Variants in POLA2 observed in about 807,000 individuals in gnomAD.
POLA2 encodes DNA polymerase alpha 2, accessory subunit.
A neutral mutation model predicts 82.8 loss-of-function variants in POLA2; 47 were observed. That is an observed-to-expected ratio of 0.57 (90% CI 0.45 to 0.72). POLA2 has a LOEUF of 0.72. POLA2 is among the 30% of genes least tolerant of loss of function. The pLI is 0.00. For missense variants in POLA2, 634 were observed against 728.1 expected (o/e 0.87, Z 1.49); for synonymous variants, 287 against 286.8 (o/e 1.00, Z -0.01).
Position 65,265,184 on chromosome 11 carries a change from G to A in POLA2, c.80-1398G>A, listed in dbSNP as rs113973396. On this transcript the variant is annotated intron_variant, in intron 1 of 17. Transcript: ENST00000265465. ...GTGGAGGTTGCAATGAGCCGAGATC[G>A]TGCCACTGCATTCCAGCCTGGCAAC... is the stretch of plus-strand genomic sequence containing the variant. Among the ~76,000 whole-genome samples, 1,025 of 150,546 alleles carry A rather than the reference G, an allele frequency of 6.8e-3. 12 individuals carry two copies. Among genetic ancestry groups the A allele is most frequent in the African/African-American group, 0.023 (950 of 41,124 alleles).
Position 65,267,513 on chromosome 11 carries a change from A to G in POLA2, c.241A>G (p.Thr81Ala). Residue 81 changes from threonine to alanine, a missense_variant, in exon 3 of 18, where the codon ACC becomes GCC. Physicochemically the swap from Thr to Ala is moderately conservative, Grantham distance 58. Transcript: ENST00000265465. ...AAGATTATCGAAAGCCAGGCATAGT[A>G]CCTGCAAGGACAGTGGCCATGCAGG... Reference protein sequence around the residue: ...SKRLSKARHSTCKDSGHAGAR... With the variant: ...SKRLSKARHSACKDSGHAGAR... 1.2e-6 allele frequency: 2 copies of G among 1,612,338 alleles called. No homozygotes were observed. Among genetic ancestry groups the G allele is most frequent in the African/African-American group, 1.3e-5 (1 of 74,962 alleles).
At chr11:65,295,685 C>T (rs1949802660) in intron 16 of POLA2, 86 bp downstream of exon 16, 2 of 1,335,404 alleles carry the variant, frequency 1.5e-6, no homozygotes, top group African/African-American at 1.4e-5. Context: ...AGAGCCTTCA[C>T]CAGGCTACCA....
At chr11:65,285,195 G>T (rs1949683339) in intron 10 of POLA2, among the ~76,000 whole-genome samples, 1 of 152,070 alleles carries the variant, frequency 6.6e-6, no homozygotes, top group South Asian at 2.1e-4. Flanking sequence ...CACACGGTCA[G>T]GAGATAGAGA....
At chr11:65,303,225 C>T (rs901863559), downstream of POLA2, among the ~76,000 whole-genome samples, 2 of 151,880 alleles carry the variant, frequency 1.3e-5, no homozygotes, top group Admixed American at 1.3e-4. Context: ...ACCTGTAGTC[C>T]CAGCTACTCA....
chr11:65,267,129 C>T (rs138641547), intron 2 of POLA2, among the ~76,000 whole-genome samples: 305 of 152,098 alleles, frequency 2.0e-3, no homozygotes, highest in African/African-American at 6.9e-3. Context: ...TCGCTTGAAC[C>T]GAGGAGGTGG....
At chr11:65,291,109 T>A (rs1949750740) in intron 13 of POLA2, among the ~76,000 whole-genome samples, 1 of 152,220 alleles carries the variant, frequency 6.6e-6, no homozygotes, top group Non-Finnish European at 1.5e-5. Flanking sequence ...CATCCTCCAT[T>A]CCTGTCCCTT....
At chr11:65,263,839 A>G (rs530707069) in intron 1 of POLA2, among the ~76,000 whole-genome samples, 1 of 152,092 alleles carries the variant, frequency 6.6e-6, no homozygotes, top group Non-Finnish European at 1.5e-5. Context: ...AAAAAAAAAA[A>G]AAGACTTAAG....
rs1949835170 is a variant in POLA2, at chr11:65,298,257, C to T, written c.*988C>T. ...TGACCTCTCCATCTGGAGGGGGCCGCCTCGCTGGGCTGTTCCAAAGCTGGA... is the reference window on the plus strand; with the variant it reads ...TGACCTCTCCATCTGGAGGGGGCCGTCTCGCTGGGCTGTTCCAAAGCTGGA... On this transcript the variant is annotated 3_prime_UTR_variant, in exon 18 of 18. Transcript: ENST00000265465. 6.6e-6 allele frequency: 1 copy of T among 152,344 alleles called. No individual in the cohort carries two copies. Among genetic ancestry groups the T allele is most frequent in the Non-Finnish European group, 1.5e-5 (1 of 68,146 alleles). The allele number at this position is 152,344 out of a possible 1,614,324, so 9.4% of individuals were successfully genotyped here. A position where few individuals can be genotyped will look rare whatever the true frequency, so the allele number is the denominator to read the frequency against.
intron 10 of POLA2, 56 bp from the exon 11 acceptor site, chr11:65,287,660 T>G: frequency 4.0e-6 from 6 of 1,502,480 alleles, no homozygotes; most frequent in Non-Finnish European, 5.5e-6. Context: ...TCCTTTCTCC[T>G]CCCACCATTC....
intron 1 of POLA2, among the ~76,000 whole-genome samples, chr11:65,265,620 C>T (rs1379596572): frequency 6.6e-6 from 1 of 152,112 alleles, no homozygotes; most frequent in Non-Finnish European, 1.5e-5. Flanking sequence ...GCTGTAACTA[C>T]AGGCACATGC....
downstream of POLA2, among the ~76,000 whole-genome samples, chr11:65,299,628 G>T (rs920551792): frequency 6.6e-6 from 1 of 152,192 alleles, no homozygotes; most frequent in African/African-American, 2.4e-5. Context: ...CAGGGCACCC[G>T]GCCCAGCTCA....
In POLA2 at chr11:65,262,355, G is replaced by T; in HGVS notation, c.63G>T (p.Glu21Asp). The change falls in exon 1 of 18, where the codon GAG becomes GAT. Residue 21 changes from glutamate (E) to aspartate (D), a missense_variant. Transcript: ENST00000265465. ...ELQIFGLDCE[E>D]ALIEKLVELC... ...AGATCTTCGGCCTAGACTGCGAGGAGGCTCTAATTGAGAAATGTGAGTCCC... is the reference window on the plus strand; with the variant it reads ...AGATCTTCGGCCTAGACTGCGAGGATGCTCTAATTGAGAAATGTGAGTCCC... 6.2e-7 allele frequency: 1 copy of T among 1,613,562 alleles called. No homozygotes were observed. Among genetic ancestry groups the T allele is most frequent in the South Asian group, 1.1e-5 (1 of 90,976 alleles).
intron 4 of POLA2, among the ~76,000 whole-genome samples, chr11:65,271,911 A>G (rs1034576248): frequency 3.9e-5 from 6 of 152,140 alleles, no homozygotes; most frequent in Admixed American, 1.3e-4. Flanking sequence ...TGTTGAGCAA[A>G]CAATATGTCC....
rs776025471 is a variant in POLA2 at position 65,274,892 on chromosome 11, G to A, written c.355-1000G>A. Among the ~76,000 whole-genome samples, 146 of 152,010 alleles carry A rather than the reference G, an allele frequency of 9.6e-4. 1 individual carries two copies. Among genetic ancestry groups the A allele is most frequent in the Non-Finnish European group, 1.7e-3 (118 of 67,988 alleles). ...TTTTCCTCCTCAGACATGAGGTCTC[G>A]CCGTTGCCCAGGCTGGTCTTGAACT... is the stretch of plus-strand genomic sequence containing the variant. On this transcript the variant is annotated intron_variant, in intron 4 of 17. Coordinates refer to ENST00000265465, the MANE Select transcript of POLA2 (RefSeq NM_002689.4).
At chr11:65,263,999 G>C (rs1262220393) in intron 1 of POLA2, among the ~76,000 whole-genome samples, 2 of 152,160 alleles carry the variant, frequency 1.3e-5, no homozygotes, top group Non-Finnish European at 2.9e-5. Flanking sequence ...TGTGGACTTT[G>C]GATCATCAGT....
Position 65,275,935 on chromosome 11 carries a change from C to G in POLA2, c.398C>G (p.Thr133Arg), listed in dbSNP as rs1391966197. 6.2e-7 allele frequency: 1 copy of G among 1,608,834 alleles called. No individual in the cohort carries two copies. Among genetic ancestry groups the G allele is most frequent in the Non-Finnish European group, 8.5e-7 (1 of 1,177,728 alleles). ...ATCTCTACCCCAGAAACCCCCCTAA[C>G]AAAAAGGAGTGTGTCAACTCGTAGC... ...RAISTPETPL[T>R]KRSVSTRSPH... Residue 133 changes from threonine to arginine, a missense_variant, in exon 5 of 18, where the codon ACA (threonine) becomes AGA (arginine). Physicochemically the swap from Thr to Arg is moderately conservative, Grantham distance 71. Transcript: ENST00000265465.
chr11:65,270,690 C>G (rs913256209), intron 4 of POLA2, among the ~76,000 whole-genome samples: 3 of 152,178 alleles, frequency 2.0e-5, no homozygotes, highest in South Asian at 2.1e-4. Flanking sequence ...CTGGCCACCT[C>G]TCACCATTTC....
chr11:65,267,114 G>C (rs1949469960), intron 2 of POLA2, among the ~76,000 whole-genome samples: 1 of 152,126 alleles, frequency 6.6e-6, no homozygotes, highest in African/African-American at 2.4e-5. Flanking sequence ...GCTGAGGAAG[G>C]AGAATCGCTT....
intron 17 of POLA2, 70 bp downstream of exon 17, chr11:65,296,060 C>G: frequency 6.4e-7 from 1 of 1,566,170 alleles, no homozygotes; most frequent in East Asian, 2.2e-5. Flanking sequence ...CTAGACCACC[C>G]GGCACTCACC....
Sources: allele counts gnomAD v4.1 joint callset (sites outside exome capture counted in the v4.1 genomes callset), GRCh38; gene constraint gnomAD v4.1.1; transcripts MANE v1.5; gene names NCBI Gene and HGNC (gene_info 2026-07-23, HGNC 2026-07-21).